Variants in TRAF3IP3 observed in about 807,000 individuals in gnomAD.
TRAF3IP3 encodes TRAF3-interacting JNK-activating modulator.
A neutral mutation model predicts 86.5 loss-of-function variants in TRAF3IP3; 64 were observed. That is an observed-to-expected ratio of 0.74 (90% CI 0.60 to 0.91). The LOEUF (loss-of-function observed/expected upper bound fraction) is 0.91, where lower values mean the gene tolerates loss of function less well. Among genes scored for constraint, TRAF3IP3 ranks in the 40% least tolerant of loss-of-function variants. The pLI, the probability that TRAF3IP3 is intolerant of heterozygous loss-of-function variation, is 0.00. For missense variants in TRAF3IP3, 579 were observed against 642.9 expected, an observed-to-expected ratio of 0.90 and a Z score of 1.07; for synonymous variants, 220 against 243.9, an observed-to-expected ratio of 0.90 and a Z score of 0.91.
Position 209,775,335 on chromosome 1 carries a change from C to T in TRAF3IP3, c.775-14C>T, listed in dbSNP as rs1489644162. ...AGCTCAATGTGTATTTGTTGAATTG[C>T]ATCAAATTTACAGAAATACTCCCCT... is the stretch of plus-strand genomic sequence containing the variant. On this transcript the variant is annotated splice_polypyrimidine_tract_variant and intron_variant, in intron 9 of 16. Coordinates refer to ENST00000367025, the MANE Select transcript of TRAF3IP3 (RefSeq NM_025228.4). 2 of 1,602,212 alleles carry T rather than the reference C, an allele frequency of 1.2e-6. No individual in the cohort carries two copies. The highest frequency in any genetic ancestry group is 1.3e-5 in the African/African-American group (1 of 74,696).
At chr1:209,779,248 G>T in intron 13 of TRAF3IP3, 67 bp from the exon 14 acceptor site, 1 of 1,381,244 alleles carries the variant, frequency 7.2e-7, no homozygotes, top group Non-Finnish European at 1.0e-6. Context: ...TCTAAGCAAA[G>T]TTCTGAAAAG....
rs1054457150 is a variant in TRAF3IP3, at chr1:209,759,139, G to A, written c.-59+5G>A. On this transcript the variant is annotated splice_donor_5th_base_variant and intron_variant, in intron 2 of 16. Transcript: ENST00000367025. Reference sequence around the variant, plus strand: ...CACCAACATTAACCCTGACAGGTTGGTAATCCTAAAGAAATGGAACCCTCA... The same window carrying A: ...CACCAACATTAACCCTGACAGGTTGATAATCCTAAAGAAATGGAACCCTCA... 3 of 152,226 alleles carry A rather than the reference G, an allele frequency of 2.0e-5. No individual in the cohort carries two copies. 9.4% of individuals were successfully genotyped at this position (152,226 alleles called of 1,614,324 possible).
At chr1:209,778,230 A>G in intron 13 of TRAF3IP3, 57 bp downstream of exon 13, 2 of 1,483,512 alleles carry the variant, frequency 1.3e-6, no homozygotes, top group Non-Finnish European at 1.9e-6. Flanking sequence ...GTCCTGGCCC[A>G]CAAAAGGCAC....
rs372288997 is a variant in TRAF3IP3, at chr1:209,763,489, C to T, written c.607-3C>T. The T allele has an allele frequency of 1.5e-5, 24 of 1,614,018 alleles. No individual in the cohort carries two copies. Among genetic ancestry groups the T allele is most frequent in the African/African-American group, 5.3e-5 (4 of 74,918 alleles). On this transcript the variant is annotated splice_polypyrimidine_tract_variant and splice_region_variant and intron_variant, in intron 7 of 16. Transcript: ENST00000367025. ...CTCTTGCACTTTGTGCCCGCACCCCCAGGAGGCCCTACAAAGGGAGCTGGT... is the reference window on the plus strand; with the variant it reads ...CTCTTGCACTTTGTGCCCGCACCCCTAGGAGGCCCTACAAAGGGAGCTGGT...
chr1:209,781,976 T>G (rs2077791474), intron 16 of TRAF3IP3, 80 bp from the exon 17 acceptor site: 1 of 1,180,910 alleles, frequency 8.5e-7, no homozygotes, highest in South Asian at 1.2e-5. Flanking sequence ...TGGGCTAGAG[T>G]AGGAAGAAGA....
chr1:209,760,145 C>T lies in TRAF3IP3; in HGVS notation c.106C>T (p.Arg36Cys), dbSNP rs981440427. 22 of 1,614,220 alleles carry T rather than the reference C, an allele frequency of 1.4e-5. No individual in the cohort carries two copies. The highest frequency in any genetic ancestry group is 2.2e-5 in the South Asian group (2 of 91,086). The change falls in exon 3 of 17, where the codon CGT becomes TGT. Residue 36 changes from arginine (R) to cysteine (C), a missense_variant. Arg to Cys is a radical substitution (Grantham distance 180). Transcript: ENST00000367025. Reference protein sequence around the residue: ...RQEIRESRRCRPNVTTCRQVG... With the variant: ...RQEIRESRRCCPNVTTCRQVG... The stretch of plus-strand genomic sequence containing the variant: ...AGAGATCCGTGAAAGCCGCCGCTGC[C>T]GTCCCAATGTGACCACTTGCCGCCA...
intron 8 of TRAF3IP3, among the ~76,000 whole-genome samples, chr1:209,766,592 G>A (rs1262924675): frequency 2.0e-5 from 3 of 152,252 alleles, no homozygotes; most frequent in South Asian, 2.1e-4. Context: ...GGCCAGGCAC[G>A]GCAGCTCATG....
At chr1:209,774,700 T>C (rs549632665) in intron 9 of TRAF3IP3, among the ~76,000 whole-genome samples, 3 of 152,216 alleles carry the variant, frequency 2.0e-5, no homozygotes, top group Non-Finnish European at 4.4e-5. Flanking sequence ...ATTCTTAGTA[T>C]GCTGAGAATC....
At position 209,760,048 on chromosome 1, in the gene TRAF3IP3, C is replaced by A; in HGVS notation, c.9C>A (p.Ser3Arg). ...GGTGCTTGGAGGTCATCATGATCAG[C>A]CCAGACCCCAGGCCCTCCCCTGGCT... is the stretch of plus-strand genomic sequence containing the variant. MI[S>R]PDPRPSPGLA... Residue 3 changes from serine to arginine, a missense_variant, in exon 3 of 17, where the codon AGC becomes AGA. Coordinates refer to ENST00000367025, the MANE Select transcript of TRAF3IP3 (RefSeq NM_025228.4). 2.5e-6 allele frequency: 4 copies of A among 1,613,222 alleles called. No individual in the cohort carries two copies. The highest frequency in any genetic ancestry group is 3.4e-6 in the Non-Finnish European group (4 of 1,179,322).
chr1:209,782,154 T>G lies in TRAF3IP3; in HGVS notation c.*6T>G. 1 of 1,610,008 alleles carries G rather than the reference T, an allele frequency of 6.2e-7. No homozygotes were observed. Among genetic ancestry groups the G allele is most frequent in the East Asian group, 2.2e-5 (1 of 44,848 alleles). On this transcript the variant is annotated 3_prime_UTR_variant, in exon 17 of 17. Transcript: ENST00000367025. Reference sequence around the variant, plus strand: ...AAGACAACCTGATGATCTGAATAATTTGTGACAACTGCCTTGGGTGAAAAT... The same window carrying G: ...AAGACAACCTGATGATCTGAATAATGTGTGACAACTGCCTTGGGTGAAAAT...
chr1:209,777,178 C>T, intron 11 of TRAF3IP3, 174 bp from the exon 12 acceptor site: 1 of 507,362 alleles, frequency 2.0e-6, no homozygotes, highest in Non-Finnish European at 3.4e-6. Flanking sequence ...AGGAACAAAG[C>T]AAAGGGAAGA....
intron 3 of TRAF3IP3, 79 bp downstream of exon 3, chr1:209,760,463 C>A (rs1446972242): frequency 1.0e-5 from 13 of 1,252,312 alleles, no homozygotes; most frequent in Non-Finnish European, 1.4e-5. Flanking sequence ...CTCAAGGTCA[C>A]TAAAAAGTGA....
Position 209,777,468 on chromosome 1 carries a change from G to A in TRAF3IP3, c.1170G>A (p.Leu390=). 1.2e-6 allele frequency: 2 copies of A among 1,613,534 alleles called. No individual in the cohort carries two copies. Among genetic ancestry groups the A allele is most frequent in the Non-Finnish European group, 1.7e-6 (2 of 1,179,674 alleles). ...AAGGGGACAGAGACCTGTGCAGCTT[G>A]GATACCCAGGACCTACAAGGTACTC... ...CLQGDRDLCS[L]DTQDLQDQLK... Residue 390 remains leucine (L), a synonymous_variant, in exon 12 of 17, where the codon TTG becomes TTA. Coordinates refer to ENST00000367025, the MANE Select transcript of TRAF3IP3 (RefSeq NM_025228.4).
intron 8 of TRAF3IP3, among the ~76,000 whole-genome samples, chr1:209,772,746 CT>C (rs796802403): frequency 1.3e-5 from 2 of 151,472 alleles, no homozygotes; most frequent in African/African-American, 4.9e-5. Context: ...CAGTCTTATT[CT>C]TTCTTGTCCT....
At chr1:209,769,677 C>T (rs146467141) in intron 8 of TRAF3IP3, among the ~76,000 whole-genome samples, 6 of 152,150 alleles carry the variant, frequency 3.9e-5, no homozygotes, top group Non-Finnish European at 8.8e-5. Flanking sequence ...CTGAGGGAGG[C>T]GGACCTCAAA....
chr1:209,771,925 G>A (rs1305372866), intron 8 of TRAF3IP3, among the ~76,000 whole-genome samples: 1 of 140,048 alleles, frequency 7.1e-6, no homozygotes, highest in Admixed American at 7.1e-5. Flanking sequence ...GGAGGTGTGC[G>A]TGTGCATATG....
chr1:209,775,812 TTA>T, intron 11 of TRAF3IP3, 76 bp downstream of exon 11: 3 of 1,432,608 alleles, frequency 2.1e-6, no homozygotes, highest in East Asian at 4.6e-5. Context: ...CTGTTCTGGA[TTA>T]GGGACTCCAA....
chr1:209,778,479 A>G lies in TRAF3IP3; in HGVS notation c.1252+306A>G, dbSNP rs143509256. 272 of 344,914 alleles carry G rather than the reference A, an allele frequency of 7.9e-4. 1 individual carries two copies. The highest frequency in any genetic ancestry group is 1.6e-3 in the Admixed American group (35 of 21,896). 21.4% of individuals were successfully genotyped at this position (344,914 alleles called of 1,614,324 possible). ...AAGCAGTTCTTATTTTATATATTCT[A>G]ATTTATGTACATGAATGTGTCACAT... On this transcript the variant is annotated intron_variant, in intron 13 of 16. Coordinates refer to ENST00000367025, the MANE Select transcript of TRAF3IP3 (RefSeq NM_025228.4).
chr1:209,766,239 T>C (rs1403089515), intron 8 of TRAF3IP3, among the ~76,000 whole-genome samples: 1 of 152,236 alleles, frequency 6.6e-6, no homozygotes, highest in Admixed American at 6.5e-5. Context: ...TGTTAGGTCA[T>C]TTTCATTGAC....
Sources: allele counts gnomAD v4.1 joint callset (sites outside exome capture counted in the v4.1 genomes callset), GRCh38; gene constraint gnomAD v4.1.1; transcripts MANE v1.5; gene names NCBI Gene and HGNC (gene_info 2026-07-23, HGNC 2026-07-21).